CDKAL1: variants seen among roughly 807,000 people sequenced by gnomAD.
The protein encoded by CDKAL1 is CDKAL1 threonylcarbamoyladenosine tRNA methylthiotransferase.
A neutral mutation model predicts 68.2 loss-of-function variants in CDKAL1; 32 were observed. The observed-to-expected ratio is 0.47, with a 90% CI of 0.35 to 0.63. CDKAL1 has a LOEUF of 0.63. Ranked by LOEUF, CDKAL1 falls within the 30% of genes least tolerant of loss-of-function variation. The pLI is 0.00. For synonymous variants in CDKAL1, 234 were observed against 244.3 expected, an observed-to-expected ratio of 0.96 and a Z score of 0.39; for missense variants, 606 against 696.7, an observed-to-expected ratio of 0.87 and a Z score of 1.47.
At chr6:20,551,147 G>GGGCCTCCCAA in intron 4 of CDKAL1, among the ~76,000 whole-genome samples, 1 of 152,072 alleles carries the variant, frequency 6.6e-6, no homozygotes, top group South Asian at 2.1e-4. Context: ...TTACAGGCGT[G>GGGCCTCCCAA]AGCCACTGTG....
intron 13 of CDKAL1, among the ~76,000 whole-genome samples, chr6:21,151,741 T>C (rs1776419722): frequency 6.6e-6 from 1 of 152,220 alleles, no homozygotes; most frequent in African/African-American, 2.4e-5. Flanking sequence ...TGGGTTGTTA[T>C]TTAACTTTTC....
chr6:20,836,727 T>C (rs2150475980), intron 8 of CDKAL1, among the ~76,000 whole-genome samples: 1 of 152,266 alleles, frequency 6.6e-6, no homozygotes, highest in East Asian at 1.9e-4. Flanking sequence ...ATGGGGGTAG[T>C]TTTTATCATT....
At chr6:20,873,466 A>G (rs1484459560) in intron 9 of CDKAL1, among the ~76,000 whole-genome samples, 2 of 152,216 alleles carry the variant, frequency 1.3e-5, no homozygotes, top group African/African-American at 2.4e-5. Context: ...AATCACGATC[A>G]CATAAGAACC....
At chr6:20,630,614 T>G (rs1767634529) in intron 4 of CDKAL1, among the ~76,000 whole-genome samples, 1 of 152,230 alleles carries the variant, frequency 6.6e-6, no homozygotes, top group African/African-American at 2.4e-5. Context: ...TGAATAAATG[T>G]GCAAAGCCTG....
chr6:20,536,808 AC>A (rs1297434968), intron 2 of CDKAL1, among the ~76,000 whole-genome samples: 1 of 152,202 alleles, frequency 6.6e-6, no homozygotes, highest in Non-Finnish European at 1.5e-5. Flanking sequence ...CCTTGTTTTT[AC>A]AAAAAAACTG....
At chr6:21,069,317 A>G (rs1336890567) in intron 12 of CDKAL1, among the ~76,000 whole-genome samples, 1 of 152,172 alleles carries the variant, frequency 6.6e-6, no homozygotes, top group Non-Finnish European at 1.5e-5. Context: ...GTTCCTTTCT[A>G]TTCCTATTTT....
chr6:21,028,303 A>T (rs1349676412), intron 11 of CDKAL1, among the ~76,000 whole-genome samples: 1 of 152,160 alleles, frequency 6.6e-6, no homozygotes, highest in East Asian at 1.9e-4. Flanking sequence ...ACATTATCTC[A>T]TTTGATCTTG....
chr6:20,818,964 G>A (rs567193550), intron 8 of CDKAL1, among the ~76,000 whole-genome samples: 1 of 152,068 alleles, frequency 6.6e-6, no homozygotes, highest in Admixed American at 6.6e-5. Flanking sequence ...TATTTCTTTA[G>A]TTCATGGATA....
At chr6:20,791,528 A>T (rs1245345627) in intron 8 of CDKAL1, among the ~76,000 whole-genome samples, 1 of 152,200 alleles carries the variant, frequency 6.6e-6, no homozygotes. Context: ...AAAGCCACTT[A>T]GAGCTAAAGT....
intron 5 of CDKAL1, among the ~76,000 whole-genome samples, chr6:20,667,978 A>C (rs949323152): frequency 6.6e-6 from 1 of 152,018 alleles, no homozygotes. Flanking sequence ...TATGCCCTTT[A>C]CCATAATGTA....
intron 4 of CDKAL1, among the ~76,000 whole-genome samples, chr6:20,644,135 CT>C (rs11348111): frequency 0.84 from 119,865 of 143,414 alleles, 50,215 homozygotes; most frequent in African/African-American, 0.95. Flanking sequence ...GTCTGGCCTG[CT>C]TTTTTTTTTT....
intron 12 of CDKAL1, among the ~76,000 whole-genome samples, chr6:21,090,289 A>G (rs1205535623): frequency 6.6e-6 from 1 of 152,220 alleles, no homozygotes; most frequent in African/African-American, 2.4e-5. Context: ...CATTTCATCT[A>G]ATCTTCATGG....
At chr6:21,070,941 T>A (rs1771741282) in intron 12 of CDKAL1, among the ~76,000 whole-genome samples, 1 of 152,206 alleles carries the variant, frequency 6.6e-6, no homozygotes, top group African/African-American at 2.4e-5. Flanking sequence ...CGTCTGCATC[T>A]CCAGGTGATT....
Position 21,074,270 on chromosome 6 carries a change from C to G in CDKAL1, c.1236+9042C>G, listed in dbSNP as rs1354327404. Among the ~76,000 whole-genome samples, 5 of 152,276 alleles carry G rather than the reference C, an allele frequency of 3.3e-5. No individual in the cohort carries two copies. The East Asian group carries it at 9.6e-4, about 29-fold the overall frequency. Reference sequence around the variant, plus strand: ...TTTCTTGGCCTGCAGCTGCATAGCTCTAGTCTCTGACTTTATTGTCACAAG... The same window carrying G: ...TTTCTTGGCCTGCAGCTGCATAGCTGTAGTCTCTGACTTTATTGTCACAAG... On this transcript the variant is annotated intron_variant, in intron 12 of 15. Coordinates refer to ENST00000274695, the MANE Select transcript of CDKAL1 (RefSeq NM_017774.3).
At chr6:21,003,808 C>CT (rs1767584092) in intron 11 of CDKAL1, among the ~76,000 whole-genome samples, 1 of 152,126 alleles carries the variant, frequency 6.6e-6, no homozygotes, top group Non-Finnish European at 1.5e-5. Flanking sequence ...TTGGAGGGGC[C>CT]TAACACTATC....
At chr6:20,582,393 A>G (rs1765175693) in intron 4 of CDKAL1, among the ~76,000 whole-genome samples, 1 of 152,190 alleles carries the variant, frequency 6.6e-6, no homozygotes, top group African/African-American at 2.4e-5. Flanking sequence ...ATATTTATTT[A>G]AGTTATACAT....
intron 4 of CDKAL1, among the ~76,000 whole-genome samples, chr6:20,596,440 C>T (rs990285047): frequency 4.6e-5 from 7 of 152,188 alleles, no homozygotes; most frequent in Non-Finnish European, 8.8e-5. Flanking sequence ...GTTCAAACTT[C>T]CTGGCAGTTT....
intron 13 of CDKAL1, among the ~76,000 whole-genome samples, chr6:21,161,366 A>C (rs1776918374): frequency 6.6e-6 from 1 of 152,216 alleles, no homozygotes; most frequent in South Asian, 2.1e-4. Flanking sequence ...TTCATTAAAA[A>C]ATTATTTATG....
At chr6:20,548,060 G>A (rs1763673183) in intron 3 of CDKAL1, among the ~76,000 whole-genome samples, 2 of 152,168 alleles carry the variant, frequency 1.3e-5, no homozygotes, top group African/African-American at 2.4e-5. Context: ...ATTTTTTTAT[G>A]TGGAGTGTTA....
Sources: allele counts gnomAD v4.1 joint callset (sites outside exome capture counted in the v4.1 genomes callset), GRCh38; gene constraint gnomAD v4.1.1; transcripts MANE v1.5; gene names NCBI Gene and HGNC (gene_info 2026-07-23, HGNC 2026-07-21).